Variants in GRID1 observed in about 807,000 individuals in gnomAD.
The protein encoded by GRID1 is glutamate receptor ionotropic, delta-1.
In GRID1, 28 loss-of-function variants were observed where a neutral mutation model predicts 98.0. The ratio of observed to expected loss-of-function variants is 0.29; its 90% CI spans 0.21 to 0.39. GRID1 has a LOEUF of 0.39. Ranked by LOEUF, GRID1 falls within the 10% of genes least tolerant of loss-of-function variation. The pLI is 1.00. For missense variants in GRID1, 1,111 were observed against 1,340.5 expected, an observed-to-expected ratio of 0.83 and a Z score of 2.67; for synonymous variants, 553 against 538.5, an observed-to-expected ratio of 1.03 and a Z score of -0.37.
intron 2 of GRID1, among the ~76,000 whole-genome samples, chr10:86,335,507 T>C (rs1347304095): frequency 6.6e-6 from 1 of 152,256 alleles, no homozygotes; most frequent in Non-Finnish European, 1.5e-5. Context: ...CTGGGTCATA[T>C]GTATTTGGCC....
At chr10:86,193,366 G>A (rs1052973833) in intron 3 of GRID1, among the ~76,000 whole-genome samples, 7 of 152,140 alleles carry the variant, frequency 4.6e-5, no homozygotes, top group African/African-American at 1.7e-4. Context: ...CCTTCCTTTA[G>A]GAGAAGCAAC....
At chr10:86,262,339 G>A (rs151045102) in intron 2 of GRID1, among the ~76,000 whole-genome samples, 2,366 of 152,304 alleles carry the variant, frequency 0.016, 39 homozygotes, top group Middle Eastern at 0.051. Context: ...CCCAGCCAGG[G>A]GCTTACTAGG....
intron 4 of GRID1, among the ~76,000 whole-genome samples, chr10:85,945,049 C>A (rs1291735480): frequency 2.6e-5 from 4 of 152,186 alleles, no homozygotes; most frequent in East Asian, 3.8e-4. Flanking sequence ...GTTTCAAATG[C>A]TGAGGTCCTC....
chr10:85,781,603 C>G (rs1297964148), intron 8 of GRID1, among the ~76,000 whole-genome samples: 2 of 152,136 alleles, frequency 1.3e-5, no homozygotes, highest in Non-Finnish European at 2.9e-5. Flanking sequence ...GAGGGTCAAA[C>G]TTTCAGACCA....
At chr10:86,277,600 G>A (rs1289694094) in intron 2 of GRID1, among the ~76,000 whole-genome samples, 1 of 152,200 alleles carries the variant, frequency 6.6e-6, no homozygotes, top group Non-Finnish European at 1.5e-5. Context: ...AGTTGTGTAT[G>A]CTGTTGAAGT....
In GRID1 at chr10:85,602,024, A is replaced by G. The variant is rs1448475496; in HGVS notation, c.*249T>C. Reference sequence around the variant, plus strand: ...TAATTTGCCTTTTTATTCATATAGAACAAAATTTACAAAGTCATTCATACA... The same window carrying G: ...TAATTTGCCTTTTTATTCATATAGAGCAAAATTTACAAAGTCATTCATACA... On this transcript the variant is annotated 3_prime_UTR_variant, in exon 16 of 16. Transcript: ENST00000327946. 1 of 424,832 alleles carries G rather than the reference A, an allele frequency of 2.4e-6. No homozygotes were observed. The highest frequency in any genetic ancestry group is 4.2e-6 in the Non-Finnish European group (1 of 240,396). 26.3% of individuals were successfully genotyped at this position (424,832 alleles called of 1,614,324 possible). A position where few individuals can be genotyped will look rare whatever the true frequency, so the allele number is the denominator to read the frequency against.
chr10:85,777,997 T>C (rs1590227950), intron 8 of GRID1, among the ~76,000 whole-genome samples: 1 of 152,220 alleles, frequency 6.6e-6, no homozygotes, highest in Non-Finnish European at 1.5e-5. Context: ...TAATTAACAA[T>C]TCTTGGGCAT....
chr10:85,999,681 T>C (rs564656790), intron 4 of GRID1, among the ~76,000 whole-genome samples: 1 of 152,262 alleles, frequency 6.6e-6, no homozygotes, highest in East Asian at 1.9e-4. Flanking sequence ...AATCAAGCAA[T>C]ATAATACACT....
intron 2 of GRID1, among the ~76,000 whole-genome samples, chr10:86,282,363 C>T (rs1026817090): frequency 2.0e-5 from 3 of 152,150 alleles, no homozygotes; most frequent in Non-Finnish European, 2.9e-5. Flanking sequence ...ACAGCAGGAG[C>T]CGAGCCTTTG....
intron 4 of GRID1, among the ~76,000 whole-genome samples, chr10:86,021,932 T>C (rs1160494294): frequency 6.6e-6 from 1 of 152,190 alleles, no homozygotes; most frequent in East Asian, 1.9e-4. Flanking sequence ...CCGGGCTGTC[T>C]AGAGCAGCCG....
At chr10:86,184,034 C>G (rs1332422106) in intron 3 of GRID1, among the ~76,000 whole-genome samples, 2 of 152,234 alleles carry the variant, frequency 1.3e-5, no homozygotes, top group Non-Finnish European at 2.9e-5. Context: ...ATTAGCATTT[C>G]TCCATGTGCT....
chr10:85,672,151 T>A (rs1841093480), intron 12 of GRID1, among the ~76,000 whole-genome samples: 1 of 152,122 alleles, frequency 6.6e-6, no homozygotes, highest in South Asian at 2.1e-4. Flanking sequence ...TCAGTGTAGA[T>A]GCAATGGCCT....
chr10:86,254,909 G>A (rs1257270251), intron 2 of GRID1, among the ~76,000 whole-genome samples: 2 of 152,196 alleles, frequency 1.3e-5, no homozygotes, highest in Admixed American at 6.5e-5. Flanking sequence ...ACTAAAGCAG[G>A]GGAAAACCTC....
At chr10:86,032,293 C>T (rs1415727209) in intron 4 of GRID1, among the ~76,000 whole-genome samples, 1 of 152,168 alleles carries the variant, frequency 6.6e-6, no homozygotes, top group African/African-American at 2.4e-5. Flanking sequence ...GTGGGGGGCC[C>T]CTCTGCCCAG....
intron 4 of GRID1, among the ~76,000 whole-genome samples, chr10:85,937,510 T>C (rs1230289599): frequency 6.6e-6 from 1 of 152,248 alleles, no homozygotes; most frequent in Non-Finnish European, 1.5e-5. Flanking sequence ...CATCTCAGTC[T>C]TATGTTCTGC....
intron 8 of GRID1, among the ~76,000 whole-genome samples, chr10:85,798,460 G>C (rs1195001835): frequency 6.6e-6 from 1 of 152,148 alleles, no homozygotes; most frequent in East Asian, 1.9e-4. Flanking sequence ...GTTTTCCATA[G>C]TGGTTGTACT....
chr10:85,599,802 A>AAAAAATATATATATATATATATATAT lies in GRID1; in HGVS notation c.*2470_*2471insATATATATATATATATATATATTTTT. The AAAAAATATATATATATATATATATAT allele has an allele frequency of 6.2e-5, 4 of 64,974 alleles. No homozygotes were observed. The highest frequency in any genetic ancestry group is 2.8e-4 in the African/African-American group (3 of 10,728). 4.0% of individuals were successfully genotyped at this position (64,974 alleles called of 1,614,324 possible). On this transcript the variant is annotated 3_prime_UTR_variant, in exon 16 of 16. Coordinates refer to ENST00000327946, the MANE Select transcript of GRID1 (RefSeq NM_017551.3). ...GTAGAAAATTCTAAAAAAAAAAAAA[A>AAAAAATATATATATATATATATATAT]ATATATATATATATATATAAACATG...
intron 2 of GRID1, among the ~76,000 whole-genome samples, chr10:86,287,978 A>G (rs973845545): frequency 6.6e-6 from 1 of 151,968 alleles, no homozygotes; most frequent in Non-Finnish European, 1.5e-5. Flanking sequence ...CAGGCCTAGC[A>G]CCACCCTTCA....
chr10:85,998,680 C>A (rs1842768362), intron 4 of GRID1, among the ~76,000 whole-genome samples: 1 of 152,028 alleles, frequency 6.6e-6, no homozygotes, highest in South Asian at 2.1e-4. Context: ...CTAAAAACAA[C>A]AGATAAAATC....
Sources: gnomAD v4.1 joint callset for allele counts (sites outside exome capture counted in the v4.1 genomes callset) on GRCh38, gnomAD v4.1.1 for gene constraint, MANE v1.5 for transcripts, NCBI Gene and HGNC (gene_info 2026-07-23, HGNC 2026-07-21) for gene names.